Variants in ADAM18 observed in about 807,000 individuals in gnomAD.
The protein encoded by ADAM18 is disintegrin and metalloproteinase domain-containing protein 18.
Under a neutral mutation model 94.4 loss-of-function variants are expected in ADAM18, and 117 were observed. The observed-to-expected ratio is 1.24, with a 90% confidence interval of 1.07 to 1.45. ADAM18 has a LOEUF of 1.45. ADAM18 is among the 40% of genes most tolerant of loss of function. The pLI, the probability that ADAM18 is intolerant of heterozygous loss-of-function variation, is 0.00. For missense variants in ADAM18, 936 were observed against 880.0 expected (o/e 1.06, Z -0.81); for synonymous variants, 327 against 291.6 (o/e 1.12, Z -1.24).
rs1585922032 is a variant in ADAM18 at position 39,635,724 on chromosome 8, A to G, written c.589-1540A>G. ...GGCATTACTATGATCTTTGTCTTTC[A>G]TGTACCTTGGCACAATTGGAGAATA... On this transcript the variant is annotated intron_variant, in intron 7 of 19. Transcript: ENST00000265707. Among the ~76,000 whole-genome samples, 4 of 151,936 alleles carry G rather than the reference A, an allele frequency of 2.6e-5. No individual in the cohort carries two copies. In the South Asian group the frequency reaches 8.3e-4, roughly 32 times the overall value.
At chr8:39,726,433 A>G (rs1822914892) in intron 19 of ADAM18, among the ~76,000 whole-genome samples, 1 of 152,014 alleles carries the variant, frequency 6.6e-6, no homozygotes, top group African/African-American at 2.4e-5. Flanking sequence ...GGCCACCCAT[A>G]TATATTTTTG....
At chr8:39,594,946 C>CT (rs996174043) in intron 2 of ADAM18, among the ~76,000 whole-genome samples, 53 of 151,906 alleles carry the variant, frequency 3.5e-4, no homozygotes, top group Admixed American at 3.1e-3. Context: ...GCCTCCGTCT[C>CT]TATTTGGGAT....
chr8:39,688,981 T>C (rs985834733), intron 16 of ADAM18, among the ~76,000 whole-genome samples: 3 of 152,212 alleles, frequency 2.0e-5, no homozygotes, highest in Admixed American at 6.5e-5. Context: ...GAGCTTTTTT[T>C]CCATGTTTCT....
At chr8:39,709,603 T>C (rs1326055711) in intron 18 of ADAM18, among the ~76,000 whole-genome samples, 1 of 152,194 alleles carries the variant, frequency 6.6e-6, no homozygotes, top group Non-Finnish European at 1.5e-5. Context: ...ATTCAATTAT[T>C]CATTCATTCA....
intron 18 of ADAM18, among the ~76,000 whole-genome samples, chr8:39,717,970 A>G (rs751908339): frequency 5.9e-5 from 9 of 151,608 alleles, no homozygotes; most frequent in Non-Finnish European, 1.2e-4. Context: ...GCCAACAGGT[A>G]TGTGAAAAAA....
At chr8:39,644,924 C>A (rs1401513662) in intron 10 of ADAM18, among the ~76,000 whole-genome samples, 3 of 152,120 alleles carry the variant, frequency 2.0e-5, no homozygotes, top group Non-Finnish European at 4.4e-5. Flanking sequence ...ATAATATAAG[C>A]TATAGATGTG....
intron 16 of ADAM18, among the ~76,000 whole-genome samples, chr8:39,688,114 G>A (rs141659594): frequency 6.6e-6 from 1 of 152,248 alleles, no homozygotes; most frequent in African/African-American, 2.4e-5. Flanking sequence ...CCATTTCTCT[G>A]CAGCCTTACT....
intron 7 of ADAM18, among the ~76,000 whole-genome samples, chr8:39,636,365 T>C (rs1363753427): frequency 6.6e-6 from 1 of 152,218 alleles, no homozygotes; most frequent in African/African-American, 2.4e-5. Flanking sequence ...CTTTAATAGT[T>C]ATATGATTAT....
At chr8:39,670,755 G>A (rs1390617075) in intron 14 of ADAM18, among the ~76,000 whole-genome samples, 2 of 152,216 alleles carry the variant, frequency 1.3e-5, no homozygotes, top group African/African-American at 4.8e-5. Context: ...AATCAAGGTA[G>A]TGAATAAGGA....
chr8:39,674,891 C>T (rs200785898), intron 14 of ADAM18, among the ~76,000 whole-genome samples: 13 of 152,202 alleles, frequency 8.5e-5, no homozygotes, highest in Middle Eastern at 3.4e-3. Context: ...AAGCTTAGTT[C>T]GGCTGGATAT....
Position 39,705,896 on chromosome 8 carries a change from T to C in ADAM18, c.1903-894T>C, listed in dbSNP as rs74679165. 1.8e-3 allele frequency among the ~76,000 whole-genome samples: 278 copies of C among 152,252 alleles called. 3 individuals carry two copies. Among genetic ancestry groups the C allele is most frequent in the African/African-American group, 6.2e-3 (257 of 41,582 alleles). ...TACAGGTATGAGAAGAAGTTCATAGTATATTGTTATGGATATTATTTGGTA... is the reference window on the plus strand; with the variant it reads ...TACAGGTATGAGAAGAAGTTCATAGCATATTGTTATGGATATTATTTGGTA... On this transcript the variant is annotated intron_variant, in intron 17 of 19. Transcript: ENST00000265707.
At chr8:39,695,062 A>T (rs1213442404) in intron 17 of ADAM18, among the ~76,000 whole-genome samples, 3 of 151,280 alleles carry the variant, frequency 2.0e-5, no homozygotes, top group Non-Finnish European at 4.4e-5. Flanking sequence ...TTTATGGCTT[A>T]TTTGCTTTTA....
intron 13 of ADAM18, among the ~76,000 whole-genome samples, chr8:39,666,721 AT>A (rs1821000734): frequency 6.6e-6 from 1 of 152,202 alleles, no homozygotes; most frequent in African/African-American, 2.4e-5. Flanking sequence ...TGTGAGACCT[AT>A]TCACTATCAT....
At chr8:39,662,721 T>A (rs900403977) in intron 12 of ADAM18, among the ~76,000 whole-genome samples, 1 of 152,160 alleles carries the variant, frequency 6.6e-6, no homozygotes, top group East Asian at 1.9e-4. Context: ...GCCTCCCAGG[T>A]TTAAGCGAGT....
At chr8:39,673,692 C>T (rs1227642637) in intron 14 of ADAM18, among the ~76,000 whole-genome samples, 2 of 152,138 alleles carry the variant, frequency 1.3e-5, no homozygotes, top group Admixed American at 6.5e-5. Flanking sequence ...TCTTGCTTCT[C>T]TAGTTCTTTT....
In ADAM18 at chr8:39,666,781, G is replaced by A. The variant is rs117072279; in HGVS notation, c.1327-1217G>A. Among the ~76,000 whole-genome samples the A allele has an allele frequency of 1.4e-3, 216 of 152,210 alleles. 4 individuals carry two copies. The East Asian group carries it at 0.02, about 14-fold the overall frequency. On this transcript the variant is annotated intron_variant, in intron 13 of 19. Transcript: ENST00000265707. Reference sequence around the variant, plus strand: ...CCCCCTGATTGAATTATCTCCCACCGGGTGCCTCCCATCACATGTGGGAAT... The same window carrying A: ...CCCCCTGATTGAATTATCTCCCACCAGGTGCCTCCCATCACATGTGGGAAT...
At position 39,635,570 on chromosome 8, in the gene ADAM18, A is replaced by C. The variant is rs184602150; in HGVS notation, c.589-1694A>C. On this transcript the variant is annotated intron_variant, in intron 7 of 19. Coordinates refer to ENST00000265707, the MANE Select transcript of ADAM18 (RefSeq NM_014237.3). ...TCAAAACATAAAAGTTAATGTTTCT[A>C]CATTATTAACAACTATTATAAAATT... Among the ~76,000 whole-genome samples, 176 of 152,324 alleles carry C rather than the reference A, an allele frequency of 1.2e-3. 1 individual carries two copies. Among genetic ancestry groups the C allele is most frequent in the African/African-American group, 4.0e-3 (168 of 41,586 alleles).
intron 14 of ADAM18, 74 bp from the exon 15 acceptor site, chr8:39,677,357 T>C (rs1585971167): frequency 8.3e-7 from 1 of 1,208,244 alleles, no homozygotes; most frequent in East Asian, 2.5e-5. Flanking sequence ...AAATTAAATT[T>C]CCTTAGTCTG....
At chr8:39,723,253 CAT>C (rs1434465633) in intron 18 of ADAM18, among the ~76,000 whole-genome samples, 11 of 151,152 alleles carry the variant, frequency 7.3e-5, no homozygotes, top group Admixed American at 2.0e-4. Flanking sequence ...CACAGATGCA[CAT>C]GTTATGTATA....
Sources: gnomAD v4.1 joint callset for allele counts (sites outside exome capture counted in the v4.1 genomes callset) on GRCh38, gnomAD v4.1.1 for gene constraint, MANE v1.5 for transcripts, NCBI Gene and HGNC (gene_info 2026-07-23, HGNC 2026-07-21) for gene names.